ADGRL2: variants seen among roughly 807,000 people sequenced by gnomAD.
The protein encoded by ADGRL2 is calcium-independent alpha-latrotoxin receptor 2.
In ADGRL2, 44 loss-of-function variants were observed where a neutral mutation model predicts 157.4. The ratio of observed to expected loss-of-function variants is 0.28; its 90% CI spans 0.22 to 0.36. The LOEUF is 0.36. Ranked by LOEUF, ADGRL2 falls within the 10% of genes least tolerant of loss-of-function variation. The pLI is 1.00. For synonymous variants in ADGRL2, 585 were observed against 624.7 expected (o/e 0.94, Z 0.95); for missense variants, 1,510 against 1,768.9 (o/e 0.85, Z 2.63).
chr1:81,573,863 A>C (rs1163152751), intron 2 of ADGRL2, among the ~76,000 whole-genome samples: 1 of 152,174 alleles, frequency 6.6e-6, no homozygotes, highest in African/African-American at 2.4e-5. Context: ...ATATGATTAA[A>C]TACTGGTTGG....
chr1:81,595,753 T>A (rs1014099785), intron 3 of ADGRL2, among the ~76,000 whole-genome samples: 1 of 152,256 alleles, frequency 6.6e-6, no homozygotes, highest in African/African-American at 2.4e-5. Context: ...CTTAGCTCTT[T>A]GGGCTATTAA....
At chr1:81,666,261 A>T (rs745425696) in intron 3 of ADGRL2, among the ~76,000 whole-genome samples, 5 of 152,240 alleles carry the variant, frequency 3.3e-5, no homozygotes, top group Non-Finnish European at 5.9e-5. Context: ...AAGATGCAGT[A>T]CCATAAACAG....
chr1:81,452,213 C>G (rs182983985), intron 2 of ADGRL2, among the ~76,000 whole-genome samples: 285 of 152,240 alleles, frequency 1.9e-3, no homozygotes, highest in African/African-American at 6.6e-3. Flanking sequence ...TTGGGAAAGA[C>G]TTTACTCTTA....
chr1:81,576,474 A>T (rs1380067332), intron 2 of ADGRL2, among the ~76,000 whole-genome samples: 1 of 152,136 alleles, frequency 6.6e-6, no homozygotes, highest in Non-Finnish European at 1.5e-5. Context: ...AACTTGTGCT[A>T]TTCTAAAATT....
intron 1 of ADGRL2, among the ~76,000 whole-genome samples, chr1:81,373,696 A>G (rs898308373): frequency 5.3e-5 from 8 of 152,188 alleles, no homozygotes; most frequent in South Asian, 2.1e-4. Context: ...AATATACAGA[A>G]GTCAGCCTGA....
At chr1:81,831,542 T>C (rs709701) in intron 1 of ADGRL2, among the ~76,000 whole-genome samples, 19,274 of 152,040 alleles carry the variant, frequency 0.13, 1,302 homozygotes, top group Admixed American at 0.21. Context: ...TTTTAGAACA[T>C]GGGCTTATTT....
At chr1:81,542,427 T>C (rs187910206) in intron 2 of ADGRL2, among the ~76,000 whole-genome samples, 9 of 152,324 alleles carry the variant, frequency 5.9e-5, no homozygotes, top group African/African-American at 2.2e-4. Context: ...GTAGTTTCAA[T>C]TAACTGGGCA....
chr1:81,841,155 C>T (rs1050167882), intron 2 of ADGRL2, among the ~76,000 whole-genome samples: 5 of 152,030 alleles, frequency 3.3e-5, no homozygotes, highest in Non-Finnish European at 5.9e-5. Flanking sequence ...TTTTATTAGT[C>T]AAAATTTTAC....
intron 11 of ADGRL2, among the ~76,000 whole-genome samples, chr1:81,964,099 T>TC: frequency 6.6e-6 from 1 of 152,128 alleles, no homozygotes; most frequent in African/African-American, 2.4e-5. Context: ...CTGAGAGCTG[T>TC]AGTCATGATC....
At chr1:81,861,893 A>G (rs545957367) in intron 2 of ADGRL2, among the ~76,000 whole-genome samples, 12 of 152,058 alleles carry the variant, frequency 7.9e-5, no homozygotes, top group African/African-American at 1.7e-4. Flanking sequence ...AAAAGAAGAA[A>G]AAAAAAAAGA....
At chr1:81,624,336 A>G (rs1445824191) in intron 3 of ADGRL2, among the ~76,000 whole-genome samples, 1 of 151,982 alleles carries the variant, frequency 6.6e-6, no homozygotes, top group African/African-American at 2.4e-5. Flanking sequence ...ATCCCAGCAC[A>G]TTGGGAGGCC....
intron 3 of ADGRL2, among the ~76,000 whole-genome samples, chr1:81,916,380 A>G (rs2094854926): frequency 6.6e-6 from 1 of 152,170 alleles, no homozygotes; most frequent in South Asian, 2.1e-4. Flanking sequence ...ATAAGAATAG[A>G]TGTTCAGTTA....
intron 2 of ADGRL2, among the ~76,000 whole-genome samples, chr1:81,534,127 T>C (rs2079674212): frequency 6.6e-6 from 1 of 152,116 alleles, no homozygotes; most frequent in African/African-American, 2.4e-5. Context: ...TAATTACAAG[T>C]TATTTTATTT....
chr1:81,359,152 G>A (rs2075927538), intron 1 of ADGRL2, among the ~76,000 whole-genome samples: 1 of 152,106 alleles, frequency 6.6e-6, no homozygotes, highest in Non-Finnish European at 1.5e-5. Flanking sequence ...CATGCAAATG[G>A]AGGCCAGATC....
At chr1:81,614,951 T>G (rs1374363991) in intron 3 of ADGRL2, among the ~76,000 whole-genome samples, 3 of 152,026 alleles carry the variant, frequency 2.0e-5, no homozygotes, top group Non-Finnish European at 4.4e-5. Context: ...AGGCAGAGTT[T>G]GCAGTGAGCA....
At chr1:81,376,381 T>C (rs979487426) in intron 1 of ADGRL2, among the ~76,000 whole-genome samples, 1 of 152,174 alleles carries the variant, frequency 6.6e-6, no homozygotes, top group East Asian at 1.9e-4. Context: ...CCAGCCTGCT[T>C]TGTGGAGGCA....
intron 1 of ADGRL2, among the ~76,000 whole-genome samples, chr1:81,823,419 C>G (rs72717737): frequency 7.0e-6 from 1 of 143,528 alleles, no homozygotes; most frequent in Non-Finnish European, 1.5e-5. Flanking sequence ...CCCTCCTTCC[C>G]CCTACCTCTG....
chr1:81,816,815 C>A (rs1399911345), intron 1 of ADGRL2, among the ~76,000 whole-genome samples: 1 of 151,956 alleles, frequency 6.6e-6, no homozygotes, highest in Non-Finnish European at 1.5e-5. Flanking sequence ...ATTCAACCTA[C>A]AAAATAAAAC....
At chr1:81,321,833 GA>G (rs35262833) in intron 1 of ADGRL2, among the ~76,000 whole-genome samples, 200 of 144,636 alleles carry the variant, frequency 1.4e-3, no homozygotes, top group Middle Eastern at 7.1e-3. Context: ...ACATGCTGTT[GA>G]AAAAAAAAAA....
Sources: allele counts gnomAD v4.1 joint callset (sites outside exome capture counted in the v4.1 genomes callset), GRCh38; gene constraint gnomAD v4.1.1; transcripts MANE v1.5; gene names NCBI Gene and HGNC (gene_info 2026-07-23, HGNC 2026-07-21).